The following RHPN1 variants were observed in gnomAD, a reference collection of about 807,000 sequenced individuals.
RHPN1 encodes the protein rhophilin-1.
In RHPN1, 77 loss-of-function variants were observed where a neutral mutation model predicts 74.7. The ratio of observed to expected loss-of-function variants is 1.03; its 90% CI spans 0.86 to 1.25. The LOEUF is 1.25. RHPN1 is among the 50% of genes most tolerant of loss of function. The pLI, the probability that RHPN1 is intolerant of heterozygous loss-of-function variation, is 0.00. For synonymous variants in RHPN1, 444 were observed against 414.5 expected (o/e 1.07, Z -0.87); for missense variants, 987 against 932.2 (o/e 1.06, Z -0.77).
intron 4 of RHPN1, 68 bp from the exon 5 acceptor site, chr8:143,378,201 T>C (rs1818414205): frequency 7.6e-7 from 1 of 1,314,244 alleles, no homozygotes; most frequent in South Asian, 1.3e-5. Context: ...CCAAGGTGGG[T>C]TGGGAGACCT....
chr8:143,366,257 TC>T (rs771166834), upstream of RHPN1, among the ~76,000 whole-genome samples: 2 of 152,112 alleles, frequency 1.3e-5, no homozygotes, highest in Non-Finnish European at 2.9e-5. Flanking sequence ...GCTGTCCAGT[TC>T]CCTGCCTGTC....
intron 1 of RHPN1, among the ~76,000 whole-genome samples, chr8:143,369,721 C>T (rs1817698519): frequency 6.6e-6 from 1 of 152,250 alleles, no homozygotes; most frequent in African/African-American, 2.4e-5. Context: ...TGCCCCAGTC[C>T]TCCTGCCAGG....
At chr8:143,364,900 C>G (rs921428865), upstream of RHPN1, among the ~76,000 whole-genome samples, 1 of 152,210 alleles carries the variant, frequency 6.6e-6, no homozygotes, top group South Asian at 2.1e-4. This position sits in a 1 kb window ranked among gnomAD's most constrained non-coding sequence, Gnocchi z 4.5. Flanking sequence ...TTGATGAAGG[C>G]GTCCTGCTCG....
rs1342970759 is a variant in RHPN1 at position 143,382,436 on chromosome 8, G to C, written c.1798G>C (p.Gly600Arg). The C allele has an allele frequency of 3.8e-6, 6 of 1,558,566 alleles. No homozygotes were observed. Residue 600 changes from glycine (G) to arginine (R), a missense_variant and splice_region_variant, in exon 15 of 15, where the codon GGG becomes CGG. Coordinates refer to ENST00000289013, the MANE Select transcript of RHPN1 (RefSeq NM_052924.3). ...LLPSSRLPSL[G>R]DRRPVLLGPR... Reference sequence around the variant, plus strand: ...CAGTCTGTCTCTGTCCCTGCTGCAGGGGGACCGCCGGCCCGTCCTGCTGGG... The same window carrying C: ...CAGTCTGTCTCTGTCCCTGCTGCAGCGGGACCGCCGGCCCGTCCTGCTGGG...
At chr8:143,364,381 A>AC (rs1157826667), upstream of RHPN1, among the ~76,000 whole-genome samples, 1 of 147,684 alleles carries the variant, frequency 6.8e-6, no homozygotes, top group African/African-American at 2.5e-5. This position sits in a 1 kb window ranked among gnomAD's most constrained non-coding sequence, Gnocchi z 4.5. Flanking sequence ...GGACATGAGC[A>AC]CCCACAGCCT....
intron 3 of RHPN1, among the ~76,000 whole-genome samples, chr8:143,377,156 G>A (rs570952288): frequency 5.3e-5 from 8 of 152,152 alleles, no homozygotes; most frequent in South Asian, 2.1e-4. Context: ...GTGTGTGTGC[G>A]CGCGCATGTG....
chr8:143,374,728 G>A (rs1818098201), intron 1 of RHPN1, among the ~76,000 whole-genome samples: 1 of 152,236 alleles, frequency 6.6e-6, no homozygotes, highest in Non-Finnish European at 1.5e-5. Context: ...CATGTGGGCA[G>A]GACCCCAACA....
chr8:143,376,816 CTG>C (rs375442649), intron 3 of RHPN1, among the ~76,000 whole-genome samples, 163 bp downstream of exon 3: 5,842 of 136,740 alleles, frequency 0.043, 327 homozygotes, highest in African/African-American at 0.15. Flanking sequence ...GCGCGTGTGT[CTG>C]TGTGCATGTG....
chr8:143,365,142 C>T (rs1340272175), upstream of RHPN1, among the ~76,000 whole-genome samples: 8 of 152,118 alleles, frequency 5.3e-5, no homozygotes, highest in African/African-American at 1.7e-4. Flanking sequence ...CCACCTCTTC[C>T]ACTCCACATT....
Position 143,379,232 on chromosome 8 carries a change from C to T in RHPN1, c.752-83C>T, listed in dbSNP as rs1053940449. On this transcript the variant is annotated intron_variant, in intron 7 of 14. Coordinates refer to ENST00000289013, the MANE Select transcript of RHPN1 (RefSeq NM_052924.3). ...GTCCATATGTGTCCCAGGAGCATCC[C>T]TAGCTGGCCGCCCTGAGTGCTGCAT... is the stretch of plus-strand genomic sequence containing the variant. The T allele has an allele frequency of 4.1e-5, 59 of 1,432,618 alleles. No homozygotes were observed. In the African/African-American group the frequency reaches 6.0e-4, roughly 15 times the overall value. The allele number at this position is 1,432,618 out of a possible 1,614,324, so 88.7% of individuals were successfully genotyped here.
rs1240884729 is a variant in RHPN1, at chr8:143,379,845, G to C, written c.962G>C (p.Arg321Thr). ...QEAAQVAAEY[R>T]LVHRTMAQPP... Reference sequence around the variant, plus strand: ...CACCGGCAGGTGGCAGCCGAGTACAGGCTAGTGCACCGGACCATGGCCCAG... The same window carrying C: ...CACCGGCAGGTGGCAGCCGAGTACACGCTAGTGCACCGGACCATGGCCCAG... Residue 321 changes from arginine to threonine, a missense_variant, in exon 9 of 15, where the codon AGG becomes ACG. By Grantham distance (71) the Arg-to-Thr change is moderately conservative. Coordinates refer to ENST00000289013, the MANE Select transcript of RHPN1 (RefSeq NM_052924.3). 1 of 1,610,420 alleles carries C rather than the reference G, an allele frequency of 6.2e-7. No individual in the cohort carries two copies. Among genetic ancestry groups the C allele is most frequent in the South Asian group, 1.1e-5 (1 of 90,842 alleles).
Position 143,376,543 on chromosome 8 carries a change from G to A in RHPN1, c.195G>A (p.Arg65=). 1 of 1,612,438 alleles carries A rather than the reference G, an allele frequency of 6.2e-7. No homozygotes were observed. The highest frequency in any genetic ancestry group is 8.5e-7 in the Non-Finnish European group (1 of 1,179,574). The stretch of plus-strand genomic sequence containing the variant: ...CCCTCAGAGCCACCAGCAACAACCG[G>A]GTGAGAGAGACGGTCGCCCTGGAGC... ...ENLYRATSNN[R]VRETVALELS... The change falls in exon 3 of 15, where the codon CGG becomes CGA. Residue 65 remains arginine (R), a synonymous_variant. Transcript: ENST00000289013.
upstream of RHPN1, chr8:143,368,651 G>A (rs766946885): frequency 4.7e-4 from 90 of 192,088 alleles, no homozygotes; most frequent in Non-Finnish European, 8.6e-4. Context: ...AGCCAGCCGC[G>A]GGCGTTCCGG....
chr8:143,371,628 T>G (rs1817827397), intron 1 of RHPN1, among the ~76,000 whole-genome samples: 1 of 152,128 alleles, frequency 6.6e-6, no homozygotes, highest in Non-Finnish European at 1.5e-5. Flanking sequence ...GGAGCCCCAG[T>G]GTCAGGGTTG....
At chr8:143,377,289 C>T (rs938418115) in intron 3 of RHPN1, 91 bp from the exon 4 acceptor site, 25 of 975,462 alleles carry the variant, frequency 2.6e-5, no homozygotes, top group Non-Finnish European at 4.0e-5. Flanking sequence ...AGGGAGGCAC[C>T]CTGTGCCACA....
At position 143,368,964 on chromosome 8, in the gene RHPN1, A is replaced by AC; in HGVS notation, c.-19dup. The AC allele has an allele frequency of 2.1e-6, 3 of 1,462,280 alleles. No homozygotes were observed. The highest frequency in any genetic ancestry group is 2.7e-6 in the Non-Finnish European group (3 of 1,114,466). 90.6% of individuals were successfully genotyped at this position (1,462,280 alleles called of 1,614,324 possible). A position where few individuals can be genotyped will look rare whatever the true frequency, so the allele number is the denominator to read the frequency against. ...GCGGCGGGCTGGCTGACCCCGAGGGACCCCCAGCGCAGCGGGTGCGGCGAT... is the reference window on the plus strand; with the variant it reads ...GCGGCGGGCTGGCTGACCCCGAGGGACCCCCCAGCGCAGCGGGTGCGGCGAT... On this transcript the variant is annotated 5_prime_UTR_variant, in exon 1 of 15. Coordinates refer to ENST00000289013, the MANE Select transcript of RHPN1 (RefSeq NM_052924.3).
At chr8:143,379,610 G>A in intron 8 of RHPN1, 102 bp downstream of exon 8, 1 of 1,453,012 alleles carries the variant, frequency 6.9e-7, no homozygotes, top group South Asian at 1.4e-5. Context: ...TTCCTTGTGT[G>A]TCAGCCCCGA....
At position 143,380,754 on chromosome 8, in the gene RHPN1, G is replaced by A. The variant is rs779347633; in HGVS notation, c.1382G>A (p.Cys461Tyr). 15 of 1,587,812 alleles carry A rather than the reference G, an allele frequency of 9.4e-6. No individual in the cohort carries two copies. Among genetic ancestry groups the A allele is most frequent in the Admixed American group, 7.0e-5 (4 of 57,126 alleles). Reference protein sequence around the residue: ...YAELDREDDFCEAAEAPDIQP... With the variant: ...YAELDREDDFYEAAEAPDIQP... ...GAGCTCGACCGTGAGGATGACTTCT[G>A]TGAGGCTGCCGAGGCCCCGGACATC... The change falls in exon 11 of 15, where the codon TGT becomes TAT. Residue 461 changes from cysteine (C) to tyrosine (Y), a missense_variant. Cys to Tyr is a radical substitution (Grantham distance 194). Coordinates refer to ENST00000289013, the MANE Select transcript of RHPN1 (RefSeq NM_052924.3).
At chr8:143,378,481 G>T in intron 5 of RHPN1, 135 bp downstream of exon 5, 2 of 989,326 alleles carry the variant, frequency 2.0e-6, no homozygotes, top group African/African-American at 1.6e-5. Context: ...CGCACCAGGG[G>T]CCCTGTGTGT....
Sources: gnomAD v4.1 joint callset for allele counts (sites outside exome capture counted in the v4.1 genomes callset) on GRCh38, gnomAD v4.1.1 for gene constraint, Gnocchi (gnomAD v3.1) non-coding constraint, MANE v1.5 for transcripts, NCBI Gene and HGNC (gene_info 2026-07-23, HGNC 2026-07-21) for gene names.